Variants in CEP15 observed in about 807,000 individuals in gnomAD.
CEP15 encodes the protein centrosomal protein 15.
chr3:62,327,174 G>A, the CEP15 span, among the ~76,000 whole-genome samples: 1 of 152,148 alleles, frequency 6.6e-6, no homozygotes, highest in Non-Finnish European at 1.5e-5. Context: ...GTATCATTTT[G>A]CATGTTCCTG....
chr3:62,329,726 C>T, the CEP15 span, among the ~76,000 whole-genome samples: 2 of 152,204 alleles, frequency 1.3e-5, no homozygotes, highest in East Asian at 1.9e-4. Flanking sequence ...TAATAAGTAT[C>T]CTTATTTTCT....
the CEP15 span, among the ~76,000 whole-genome samples, chr3:62,327,245 G>C: frequency 6.6e-6 from 1 of 152,086 alleles, no homozygotes; most frequent in Non-Finnish European, 1.5e-5. Context: ...AATATAATGT[G>C]AGCACATATG....
the CEP15 span, chr3:62,331,253 G>C: frequency 7.7e-7 from 1 of 1,305,392 alleles, no homozygotes; most frequent in Non-Finnish European, 1.1e-6. Flanking sequence ...TTGGGATACA[G>C]ATATTGCTAG....
chr3:62,319,417 C>G, the CEP15 span: 2 of 152,020 alleles, frequency 1.3e-5, no homozygotes, highest in African/African-American at 4.8e-5. Context: ...GTGATGTTAG[C>G]GGAAAATATC....
At chr3:62,331,955 A>C in the CEP15 span, among the ~76,000 whole-genome samples, 9 of 152,134 alleles carry the variant, frequency 5.9e-5, no homozygotes, top group African/African-American at 2.2e-4. Context: ...GAATAGTTTC[A>C]TTTTGTATTT....
At chr3:62,319,617 TCAATCTTTAGA>T in the CEP15 span, 1 of 152,358 alleles carries the variant, frequency 6.6e-6, no homozygotes. Flanking sequence ...AGGCGGTGTG[TCAATCTTTAGA>T]CAATCTTTAT....
the CEP15 span, among the ~76,000 whole-genome samples, chr3:62,320,894 T>C: frequency 1.3e-5 from 2 of 152,212 alleles, no homozygotes; most frequent in Non-Finnish European, 2.9e-5. Context: ...TGCCATTGTC[T>C]TGCATCATTT....
the CEP15 span, chr3:62,320,610 A>C: frequency 1.0e-6 from 1 of 965,360 alleles, no homozygotes; most frequent in Non-Finnish European, 1.6e-6. Context: ...TGACTTAAAA[A>C]TTTGCAAGCA....
chr3:62,331,852 C>T, the CEP15 span, among the ~76,000 whole-genome samples: 1 of 152,120 alleles, frequency 6.6e-6, no homozygotes, highest in South Asian at 2.1e-4. Context: ...TTATTTTGTT[C>T]AGTTCAAGAA....
the CEP15 span, chr3:62,331,417 CA>C: frequency 1.9e-5 from 31 of 1,605,510 alleles, no homozygotes; most frequent in Non-Finnish European, 2.5e-5. Flanking sequence ...TCTTAAGGAA[CA>C]AATGTAAAAA....
chr3:62,320,495 A>G, the CEP15 span: 3 of 1,612,296 alleles, frequency 1.9e-6, no homozygotes, highest in South Asian at 3.3e-5. Flanking sequence ...TTGCTCAAGA[A>G]ATTCGCCTTT....
At chr3:62,329,556 T>C in the CEP15 span, among the ~76,000 whole-genome samples, 1 of 152,332 alleles carries the variant, frequency 6.6e-6, no homozygotes, top group Non-Finnish European at 1.5e-5. Context: ...CAAATATCTC[T>C]TAAGCTAAGG....
At chr3:62,333,170 T>A in the CEP15 span, 2 of 1,346,236 alleles carry the variant, frequency 1.5e-6, no homozygotes, top group Non-Finnish European at 2.1e-6. The surrounding 1 kb of genome is among the most constrained non-coding windows in gnomAD (Gnocchi z 4.0). Context: ...ATACACACTC[T>A]TAAGTGAATA....
the CEP15 span, chr3:62,322,367 ATCT>A: frequency 3.4e-5 from 7 of 206,860 alleles, no homozygotes; most frequent in South Asian, 7.1e-4. The surrounding 1 kb of genome is among the most constrained non-coding windows in gnomAD (Gnocchi z 5.5). Context: ...TCCATCTTTC[ATCT>A]TCTTTTATTT....
At chr3:62,325,971 G>A in the CEP15 span, among the ~76,000 whole-genome samples, 1 of 149,936 alleles carries the variant, frequency 6.7e-6, no homozygotes, top group South Asian at 2.1e-4. Context: ...GTTGCAGTGA[G>A]CGAGATTGTG....
At chr3:62,322,038 C>T in the CEP15 span, 4 of 1,605,288 alleles carry the variant, frequency 2.5e-6, no homozygotes, top group Non-Finnish European at 3.4e-6. The surrounding 1 kb of genome is among the most constrained non-coding windows in gnomAD (Gnocchi z 5.5). Context: ...TTAAAAGGAA[C>T]CTTAGTCTTT....
the CEP15 span, among the ~76,000 whole-genome samples, chr3:62,332,369 T>C: frequency 2.0e-5 from 3 of 152,138 alleles, no homozygotes; most frequent in Admixed American, 6.6e-5. Context: ...TTTTCAACTT[T>C]CAGAACTGCT....
the CEP15 span, among the ~76,000 whole-genome samples, chr3:62,332,427 A>G: frequency 2.0e-5 from 3 of 152,024 alleles, no homozygotes; most frequent in Non-Finnish European, 4.4e-5. Context: ...GTGCTATCTC[A>G]TTGGCTGAAT....
chr3:62,333,727 TG>T, the CEP15 span: 1 of 165,456 alleles, frequency 6.0e-6, no homozygotes, highest in Non-Finnish European at 1.3e-5. The surrounding 1 kb of genome is among the most constrained non-coding windows in gnomAD (Gnocchi z 4.0). Flanking sequence ...ATCTTGGTTC[TG>T]GTTTTAAGTT....
Sources: allele counts gnomAD v4.1 joint callset (sites outside exome capture counted in the v4.1 genomes callset), GRCh38; gene constraint gnomAD v4.1.1; non-coding constraint Gnocchi (gnomAD v3.1); transcripts MANE v1.5; gene names NCBI Gene and HGNC (gene_info 2026-07-23, HGNC 2026-07-21).